Variants in CIC observed in about 807,000 individuals in gnomAD.
The protein encoded by CIC is protein capicua homolog.
Under a neutral mutation model 115.7 loss-of-function variants are expected in CIC, and 18 were observed. That is an observed-to-expected ratio of 0.16 (90% confidence interval 0.11 to 0.23). The LOEUF is 0.23. CIC is among the 10% of genes least tolerant of loss of function. The probability of loss-of-function intolerance (pLI) is 1.00; values close to 1 mark genes in which losing one functional copy is unlikely to be tolerated. For synonymous variants in CIC, 1,076 were observed against 923.0 expected (o/e 1.17, Z -3.01); for missense variants, 2,000 against 2,159.3 (o/e 0.93, Z 1.46).
chr19:42,277,211 G>A (rs185376280), intron 2 of CIC, among the ~76,000 whole-genome samples: 1 of 152,302 alleles, frequency 6.6e-6, no homozygotes, highest in African/African-American at 2.4e-5. Context: ...TGACTTGCCC[G>A]GGTCCTCCAG....
rs150792335 is a variant in CIC, at chr19:42,287,450, G to A, written c.3309+1G>A. On this transcript the variant is annotated splice_donor_variant, in intron 5 of 20. Transcript: ENST00000681038. LOFTEE classifies it high-confidence loss of function. This position sits in a 1 kb window ranked among gnomAD's most constrained non-coding sequence, Gnocchi z 8.7. Reference sequence around the variant, plus strand: ...GAAGGATGGACGCAGCCCCAACAAGGTACTTTATCCCTGCCTGTCCTGTGC... The same window carrying A: ...GAAGGATGGACGCAGCCCCAACAAGATACTTTATCCCTGCCTGTCCTGTGC... 1 of 1,613,178 alleles carries A rather than the reference G, an allele frequency of 6.2e-7. No individual in the cohort carries two copies. Among genetic ancestry groups the A allele is most frequent in the Non-Finnish European group, 8.5e-7 (1 of 1,180,016 alleles).
rs758392162 is a variant in CIC at position 42,293,978 on chromosome 19, T to C, written c.6811T>C (p.Leu2271=). The C allele has an allele frequency of 2.2e-5, 36 of 1,613,356 alleles. No individual in the cohort carries two copies. In the Admixed American group the frequency reaches 5.7e-4, roughly 25 times the overall value. The change falls in exon 18 of 21, where the codon TTG becomes CTG. Residue 2271 remains leucine, a synonymous_variant. Transcript: ENST00000681038. ...EVDFEERFAE[L]PEFRPEEVLP... ...GGACTTCGAAGAGCGCTTTGCTGAG[T>C]TGCCTGAGTTTCGGCCTGAGGAGGT... is the stretch of plus-strand genomic sequence containing the variant.
At position 42,290,445 on chromosome 19, in the gene CIC, C is replaced by G. The variant is rs2038000521; in HGVS notation, c.4404C>G (p.Ala1468=). The G allele has an allele frequency of 1.2e-6, 2 of 1,613,944 alleles. No homozygotes were observed. Among genetic ancestry groups the G allele is most frequent in the Admixed American group, 1.7e-5 (1 of 59,988 alleles). ...CACTGGGCTCAGGAACCTTCAAGGC[C>G]CAGGAGTCTGGTCAGGGCAGCACAG... is the stretch of plus-strand genomic sequence containing the variant. ...SFSLGSGTFK[A]QESGQGSTAG... Residue 1468 remains alanine (A), a synonymous_variant, in exon 11 of 21, where the codon GCC becomes GCG. Transcript: ENST00000681038.
Position 42,295,047 on chromosome 19 carries a change from A to ACC in CIC, c.7412_7413dup (p.Ser2472ProfsTer58). 6.7e-7 allele frequency: 1 copy of ACC among 1,500,920 alleles called. No individual in the cohort carries two copies. The highest frequency in any genetic ancestry group is 8.8e-7 in the Non-Finnish European group (1 of 1,134,204). The allele number at this position is 1,500,920 out of a possible 1,614,324, so 93.0% of individuals were successfully genotyped here. A position where few individuals can be genotyped will look rare whatever the true frequency, so the allele number is the denominator to read the frequency against. On this transcript the variant is annotated frameshift_variant, in exon 21 of 21. Transcript: ENST00000681038. LOFTEE classifies it high-confidence loss of function. ...CCGCAGGGGGCCCTGACCCCACCTC[A>ACC]CCCAGCTCGGACTCTGGCACGGCCC...
In CIC at chr19:42,292,139, C is replaced by T; in HGVS notation, c.5667C>T (p.Pro1889=). The change falls in exon 13 of 21, where the codon CCC becomes CCT. Residue 1889 remains proline (P), a synonymous_variant. Transcript: ENST00000681038. ...GCACACCCAGCGGCCTGGTGCCGCCCCTGAGCCCAGCCACACTCCCTGGAC... is the reference window on the plus strand; with the variant it reads ...GCACACCCAGCGGCCTGGTGCCGCCTCTGAGCCCAGCCACACTCCCTGGAC... ...PVSTPSGLVP[P]LSPATLPGPT... The T allele has an allele frequency of 6.8e-6, 11 of 1,613,912 alleles. No homozygotes were observed. Among genetic ancestry groups the T allele is most frequent in the Non-Finnish European group, 9.3e-6 (11 of 1,179,998 alleles).
intron 2 of CIC, 121 bp from the exon 3 acceptor site, chr19:42,286,650 G>T: frequency 7.9e-7 from 1 of 1,268,010 alleles, no homozygotes; most frequent in Non-Finnish European, 1.1e-6. Context: ...AGAGGCTCTG[G>T]TGTTGGGGGT....
chr19:42,290,858 C>T lies in CIC; in HGVS notation c.4817C>T (p.Ala1606Val), dbSNP rs2038041462. 2 of 1,611,862 alleles carry T rather than the reference C, an allele frequency of 1.2e-6. No homozygotes were observed. Among genetic ancestry groups the T allele is most frequent in the Non-Finnish European group, 1.7e-6 (2 of 1,179,318 alleles). The part of the protein sequence containing the change: ...ASKPFPTSGR[A>V]EASPNDTAGA... Reference sequence around the variant, plus strand: ...AAGCCCTTCCCCACCTCTGGCCGGGCTGAGGCGTCTCCAAATGACACAGCA... The same window carrying T: ...AAGCCCTTCCCCACCTCTGGCCGGGTTGAGGCGTCTCCAAATGACACAGCA... Residue 1606 changes from alanine to valine, a missense_variant, in exon 11 of 21, where the codon GCT becomes GTT. Coordinates refer to ENST00000681038, the MANE Select transcript of CIC (RefSeq NM_001386298.1).
rs554649598 is a variant in CIC at position 42,289,075 on chromosome 19, A to G, written c.3846A>G (p.Leu1282=). Residue 1282 remains leucine (L), a synonymous_variant, in exon 8 of 21, where the codon CTA becomes CTG. Transcript: ENST00000681038. ...LDGGEVDSQA[L]QELTQMVSGP... is the part of the protein sequence containing the mutation. ...GCGGAGAAGTAGACAGTCAGGCGCT[A>G]CAGGAACTGACGCAGGTCTAGGGTG... 3.1e-6 allele frequency: 5 copies of G among 1,613,630 alleles called. No individual in the cohort carries two copies. The Admixed American group carries it at 5.0e-5, about 16-fold the overall frequency.
chr19:42,269,792 C>G (rs888059385), intron 1 of CIC, among the ~76,000 whole-genome samples: 1 of 151,526 alleles, frequency 6.6e-6, no homozygotes, highest in African/African-American at 2.4e-5. Context: ...GGCATTTTAA[C>G]CGAGAGGTAG....
In CIC at chr19:42,280,722, G is replaced by T. The variant is rs1037594234; in HGVS notation, c.2795-6049G>T. On this transcript the variant is annotated intron_variant, in intron 2 of 20. Coordinates refer to ENST00000681038, the MANE Select transcript of CIC (RefSeq NM_001386298.1). This position sits in a 1 kb window ranked among gnomAD's most constrained non-coding sequence, Gnocchi z 4.9. The stretch of plus-strand genomic sequence containing the variant: ...GGCTTTGTGGAGCCTGCCGGGGGTT[G>T]GCTGGGGGCCAGGCGGCGAGTGGAA... Among the ~76,000 whole-genome samples, 1 of 152,102 alleles carries T rather than the reference G, an allele frequency of 6.6e-6. No individual in the cohort carries two copies. The highest frequency in any genetic ancestry group is 2.4e-5 in the African/African-American group (1 of 41,424).
At chr19:42,284,676 C>T in intron 2 of CIC, 3 of 1,527,490 alleles carry the variant, frequency 2.0e-6, no homozygotes, top group Non-Finnish European at 2.6e-6. Context: ...GAGGTGCGAG[C>T]CCCTGCCGGG....
chr19:42,269,834 G>A (rs2036705692), intron 1 of CIC, among the ~76,000 whole-genome samples: 1 of 151,964 alleles, frequency 6.6e-6, no homozygotes, highest in Non-Finnish European at 1.5e-5. Context: ...GAGAGAGAGA[G>A]TGTCAGAGAA....
chr19:42,290,610 C>T lies in CIC; in HGVS notation c.4569C>T (p.Pro1523=). The T allele has an allele frequency of 6.2e-7, 1 of 1,613,840 alleles. No homozygotes were observed. Among genetic ancestry groups the T allele is most frequent in the South Asian group, 1.1e-5 (1 of 91,086 alleles). Residue 1523 remains proline (P), a synonymous_variant, in exon 11 of 21, where the codon CCC becomes CCT. Coordinates refer to ENST00000681038, the MANE Select transcript of CIC (RefSeq NM_001386298.1). ...TGGGTGGCCTGGAGCCACCAGGCCC[C>T]TCAGTCATCGCGGCCCCTCCCAGCG... ...ESVGGLEPPG[P]SVIAAPPSGG...
At chr19:42,277,733 A>G (rs2037040978) in intron 2 of CIC, among the ~76,000 whole-genome samples, 1 of 152,198 alleles carries the variant, frequency 6.6e-6, no homozygotes, top group Non-Finnish European at 1.5e-5. Context: ...TAGACTGAGG[A>G]TCAGAGAAGG....
Position 42,289,163 on chromosome 19 carries a change from C to T in CIC, c.3862-18C>T, listed in dbSNP as rs1411267807. 1.9e-6 allele frequency: 3 copies of T among 1,613,304 alleles called. No homozygotes were observed. The highest frequency in any genetic ancestry group is 1.7e-6 in the Non-Finnish European group (2 of 1,180,012). ...GGGCAGCAGCCCCGCTGAACCCTCTCTGCCACCTATCCTGCAGATGGTGTC... is the reference window on the plus strand; with the variant it reads ...GGGCAGCAGCCCCGCTGAACCCTCTTTGCCACCTATCCTGCAGATGGTGTC... On this transcript the variant is annotated intron_variant, in intron 8 of 20. Coordinates refer to ENST00000681038, the MANE Select transcript of CIC (RefSeq NM_001386298.1).
Position 42,289,933 on chromosome 19 carries a change from G to T in CIC, c.4173G>T (p.Glu1391Asp), listed in dbSNP as rs1411518784. The T allele has an allele frequency of 6.2e-7, 1 of 1,606,076 alleles. No individual in the cohort carries two copies. The highest frequency in any genetic ancestry group is 1.3e-5 in the African/African-American group (1 of 74,988). Residue 1391 changes from glutamate (E) to aspartate (D), a missense_variant, in exon 10 of 21, where the codon GAG (glutamate) becomes GAT (aspartate). Glu to Asp is a conservative substitution (Grantham distance 45). Transcript: ENST00000681038. ...TDSESGDSSG[E>D]DPEGNKGFGR... Reference sequence around the variant, plus strand: ...GCGAGAGTGGGGACAGCTCTGGGGAGGACCCAGAGGGCAACAAGGTGAGGG... The same window carrying T: ...GCGAGAGTGGGGACAGCTCTGGGGATGACCCAGAGGGCAACAAGGTGAGGG...
intron 2 of CIC, among the ~76,000 whole-genome samples, chr19:42,278,447 C>T (rs2037078692): frequency 6.6e-6 from 1 of 152,260 alleles, no homozygotes; most frequent in African/African-American, 2.4e-5. Flanking sequence ...ATACGTGTGT[C>T]TCTCTTTGGA....
At chr19:42,293,864 G>A in intron 17 of CIC, 28 bp downstream of exon 17, 11 of 1,613,120 alleles carry the variant, frequency 6.8e-6, no homozygotes, top group Non-Finnish European at 9.3e-6. Context: ...CCTTGGTGGA[G>A]CGTGTTAGGG....
chr19:42,269,593 T>C (rs1159740862), intron 1 of CIC, among the ~76,000 whole-genome samples: 1 of 140,460 alleles, frequency 7.1e-6, no homozygotes, highest in Non-Finnish European at 1.6e-5. Flanking sequence ...GTAACAGGAA[T>C]GGAGGGGTGA....
Sources: gnomAD v4.1 joint callset for allele counts (sites outside exome capture counted in the v4.1 genomes callset) on GRCh38, gnomAD v4.1.1 for gene constraint, Gnocchi (gnomAD v3.1) non-coding constraint, MANE v1.5 for transcripts, NCBI Gene and HGNC (gene_info 2026-07-23, HGNC 2026-07-21) for gene names.